The following ERICH1 variants were observed in gnomAD, a reference collection of about 807,000 sequenced individuals.
ERICH1 encodes glutamate-rich protein 1.
A neutral mutation model predicts 39.6 loss-of-function variants in ERICH1; 56 were observed. The ratio of observed to expected loss-of-function variants is 1.41; its 90% confidence interval spans 1.14 to 1.77. The LOEUF is 1.77. Ranked by LOEUF, ERICH1 falls within the 40% of genes most tolerant of loss-of-function variation. The pLI is 0.00. For synonymous variants in ERICH1, 313 were observed against 223.6 expected (o/e 1.40, Z -3.57); for missense variants, 826 against 575.4 (o/e 1.44, Z -4.45).
intron 3 of ERICH1, chr8:615,424 A>T (rs1049368799): frequency 1.1e-5 from 6 of 523,584 alleles, no homozygotes; most frequent in Non-Finnish European, 2.0e-5. Flanking sequence ...TCAGTCATAA[A>T]CAGAACAATG....
Position 664,591 on chromosome 8 carries a change from A to T in ERICH1, c.*12T>A. 1 of 1,603,480 alleles carries T rather than the reference A, an allele frequency of 6.2e-7. No homozygotes were observed. The highest frequency in any genetic ancestry group is 1.1e-5 in the South Asian group (1 of 88,386). On this transcript the variant is annotated 3_prime_UTR_variant, in exon 6 of 6. Coordinates refer to ENST00000262109, the MANE Select transcript of ERICH1 (RefSeq NM_207332.3). ...TGTTAAAGAGGAGCTGTTCTTAAAG[A>T]GATATTCCATTTTAGTCACTGCTCT...
chr8:630,428 C>CGG (rs1165907295), intron 3 of ERICH1, among the ~76,000 whole-genome samples: 3 of 132,686 alleles, frequency 2.3e-5, no homozygotes, highest in Non-Finnish European at 3.2e-5. Flanking sequence ...ACCACCCACA[C>CGG]AGACAGAGAT....
chr8:712,688 T>C (rs1291554243), intron 2 of ERICH1, among the ~76,000 whole-genome samples: 4 of 152,180 alleles, frequency 2.6e-5, no homozygotes, highest in Non-Finnish European at 4.4e-5. Context: ...CCGCCCACCT[T>C]GGCCTCCCAA....
At chr8:615,191 C>T (rs945466944) in exon 4 of ERICH1, 12 of 657,562 alleles carry the variant, frequency 1.8e-5, no homozygotes, top group African/African-American at 1.3e-4. Flanking sequence ...TTCCTCTTGA[C>T]CTGGAATTGT....
intron 3 of ERICH1, among the ~76,000 whole-genome samples, chr8:617,031 C>A (rs1796965350): frequency 6.6e-6 from 1 of 151,562 alleles, no homozygotes; most frequent in Admixed American, 6.6e-5. Flanking sequence ...AAAAACGATT[C>A]AGGACCAACG....
At chr8:697,536 T>A (rs1007382605) in intron 2 of ERICH1, among the ~76,000 whole-genome samples, 1 of 151,972 alleles carries the variant, frequency 6.6e-6, no homozygotes, top group African/African-American at 2.4e-5. Context: ...AGGCGACCCC[T>A]CCTCCTGCCT....
chr8:638,577 G>T (rs920883250), intron 3 of ERICH1, among the ~76,000 whole-genome samples: 1 of 152,312 alleles, frequency 6.6e-6, no homozygotes, highest in South Asian at 2.1e-4. Context: ...TACGAGGGCA[G>T]GATCTCGCTT....
At chr8:725,884 A>C (rs1046701004) in intron 1 of ERICH1, 1 of 152,296 alleles carries the variant, frequency 6.6e-6, no homozygotes, top group Admixed American at 6.5e-5. Flanking sequence ...TCATTCAGTC[A>C]TTCACTTGGG....
intron 1 of ERICH1, among the ~76,000 whole-genome samples, chr8:718,194 T>C (rs1307432755): frequency 1.3e-5 from 2 of 148,850 alleles, no homozygotes; most frequent in Admixed American, 1.3e-4. Context: ...AGGGTACAGA[T>C]TGGAGTGCAA....
chr8:702,806 G>A (rs578143381), intron 2 of ERICH1, among the ~76,000 whole-genome samples: 2 of 152,350 alleles, frequency 1.3e-5, no homozygotes, highest in African/African-American at 2.4e-5. Context: ...GACGCAGAGG[G>A]GCAGGGCGGA....
At chr8:716,638 G>A (rs999139583) in intron 1 of ERICH1, among the ~76,000 whole-genome samples, 2 of 152,174 alleles carry the variant, frequency 1.3e-5, no homozygotes, top group African/African-American at 2.4e-5. Context: ...TGGGACAAAC[G>A]GTCATAATGA....
chr8:663,967 G>T (rs1026771162), downstream of ERICH1, among the ~76,000 whole-genome samples: 1 of 152,116 alleles, frequency 6.6e-6, no homozygotes, highest in Non-Finnish European at 1.5e-5. Flanking sequence ...CACCGTGTTA[G>T]CCAGGATGCT....
intron 2 of ERICH1, 149 bp downstream of exon 2, chr8:715,712 C>T (rs1047404941): frequency 2.7e-5 from 30 of 1,118,044 alleles, no homozygotes; most frequent in Middle Eastern, 2.5e-4. Flanking sequence ...GTGTGGAGAG[C>T]GATGCCTGCC....
intron 3 of ERICH1, chr8:626,440 T>C (rs1313213393): frequency 1.3e-5 from 2 of 152,236 alleles, no homozygotes; most frequent in Non-Finnish European, 1.5e-5. Context: ...GTGAGTGGGT[T>C]CTTAGGTGAA....
chr8:709,448 C>A (rs1252751992), intron 2 of ERICH1, among the ~76,000 whole-genome samples: 1 of 152,216 alleles, frequency 6.6e-6, no homozygotes, highest in Non-Finnish European at 1.5e-5. Flanking sequence ...ATTGGCACCT[C>A]CACCTGGACA....
At chr8:649,501 G>A (rs933653220) in intron 3 of ERICH1, among the ~76,000 whole-genome samples, 3 of 152,130 alleles carry the variant, frequency 2.0e-5, no homozygotes, top group Non-Finnish European at 4.4e-5. Context: ...GTGCATTGTG[G>A]AAATGCTCAG....
Position 716,013 on chromosome 8 carries a change from C to G in ERICH1, c.23-6G>C, listed in dbSNP as rs201050121. On this transcript the variant is annotated splice_polypyrimidine_tract_variant and splice_region_variant and intron_variant, in intron 1 of 5. Transcript: ENST00000262109. ...CAGCACCTTCTCCACAAACACTGTA[C>G]AGACAACCGATTAAAAGAAAAGGAG... 2 of 1,586,372 alleles carry G rather than the reference C, an allele frequency of 1.3e-6. No homozygotes were observed. The highest frequency in any genetic ancestry group is 2.3e-5 in the South Asian group (2 of 86,350).
rs144760631 is a variant in ERICH1, at chr8:673,497, G to C, written c.855C>G (p.Ala285=). The change falls in exon 4 of 6, where the codon GCC becomes GCG. Residue 285 remains alanine, a synonymous_variant. Transcript: ENST00000262109. ...TGGTGTCTTTACCGTCTTCCTCCCC[G>C]GCCCGTGTCAGGTCTTCCTCAATGG... is the stretch of plus-strand genomic sequence containing the variant. ...VDTIEEDLTR[A]GEEDGKDTRE... 2.5e-6 allele frequency: 4 copies of C among 1,612,136 alleles called. No homozygotes were observed. Among genetic ancestry groups the C allele is most frequent in the Non-Finnish European group, 3.4e-6 (4 of 1,179,574 alleles).
intron 1 of ERICH1, among the ~76,000 whole-genome samples, chr8:727,369 C>T (rs890194462): frequency 2.6e-5 from 4 of 152,188 alleles, no homozygotes; most frequent in Admixed American, 6.5e-5. Context: ...CGATTCCTGG[C>T]GTGTGAAGTT....
Sources: gnomAD v4.1 joint callset for allele counts (sites outside exome capture counted in the v4.1 genomes callset) on GRCh38, gnomAD v4.1.1 for gene constraint, MANE v1.5 for transcripts, NCBI Gene and HGNC (gene_info 2026-07-23, HGNC 2026-07-21) for gene names.